The following SCNN1B variants were observed in gnomAD, a reference collection of about 807,000 sequenced individuals.
SCNN1B encodes epithelial sodium channel subunit beta.
A neutral mutation model predicts 65.3 loss-of-function variants in SCNN1B; 46 were observed. The ratio of observed to expected loss-of-function variants is 0.70; its 90% CI spans 0.56 to 0.90. The LOEUF (loss-of-function observed/expected upper bound fraction) is 0.90. SCNN1B is among the 40% of genes least tolerant of loss of function. The pLI, the probability that SCNN1B is intolerant of heterozygous loss-of-function variation, is 0.00. For synonymous variants in SCNN1B, 349 were observed against 330.6 expected (o/e 1.06, Z -0.60); for missense variants, 751 against 830.5 (o/e 0.90, Z 1.18).
chr16:23,372,998 G>T (rs1209711239), intron 7 of SCNN1B, among the ~76,000 whole-genome samples: 1 of 151,914 alleles, frequency 6.6e-6, no homozygotes, highest in Admixed American at 6.5e-5. Context: ...TCCCAGCTGT[G>T]CAGGGGGCTG....
chr16:23,343,824 A>T (rs933093950), intron 1 of SCNN1B, among the ~76,000 whole-genome samples: 1 of 152,196 alleles, frequency 6.6e-6, no homozygotes, highest in African/African-American at 2.4e-5. Flanking sequence ...ACATGGACTT[A>T]GTCTCTACTT....
At chr16:23,288,625 G>A (rs931106454) in intron 2 of SCNN1B, among the ~76,000 whole-genome samples, 3 of 152,082 alleles carry the variant, frequency 2.0e-5, no homozygotes, top group South Asian at 2.1e-4. Flanking sequence ...GCAACATGGC[G>A]AAACCCTGCC....
Position 23,373,948 on chromosome 16 carries a change from A to C in SCNN1B, c.1153-1790A>C, listed in dbSNP as rs947872618. On this transcript the variant is annotated intron_variant, in intron 7 of 12. Transcript: ENST00000343070. The stretch of plus-strand genomic sequence containing the variant: ...TCTCGTTTCTTCCGGTGTGGTAGCC[A>C]CCCAGGCCAGAAAACAGCCAAGAGC... 5.2e-4 allele frequency among the ~76,000 whole-genome samples: 79 copies of C among 152,090 alleles called. 1 individual carries two copies. The highest frequency in any genetic ancestry group is 1.8e-4 in the Non-Finnish European group (12 of 68,010).
chr16:23,309,911 G>A (rs1034824228), intron 1 of SCNN1B, among the ~76,000 whole-genome samples: 4 of 152,282 alleles, frequency 2.6e-5, no homozygotes, highest in East Asian at 1.9e-4. Context: ...CTTGGCCCCC[G>A]TGAGAGCATG....
intron 2 of SCNN1B, among the ~76,000 whole-genome samples, chr16:23,289,561 A>G (rs1369503701): frequency 1.3e-5 from 2 of 152,020 alleles, no homozygotes; most frequent in Non-Finnish European, 2.9e-5. Context: ...AAAGAAAAAA[A>G]AAAAGAAATC....
chr16:23,375,626 C>T (rs903790130), intron 7 of SCNN1B, 112 bp from the exon 8 acceptor site: 1 of 814,280 alleles, frequency 1.2e-6, no homozygotes, highest in Admixed American at 1.7e-5. Context: ...TCCACCAGCT[C>T]ACCTACCTCC....
intron 1 of SCNN1B, among the ~76,000 whole-genome samples, chr16:23,315,838 G>A (rs1054565841): frequency 4.6e-5 from 7 of 152,082 alleles, no homozygotes; most frequent in Non-Finnish European, 7.4e-5. Flanking sequence ...GCAATGTTTT[G>A]CCTGAGTCCT....
At chr16:23,339,629 G>A (rs1962013376) in intron 1 of SCNN1B, among the ~76,000 whole-genome samples, 1 of 151,384 alleles carries the variant, frequency 6.6e-6, no homozygotes, top group Admixed American at 6.6e-5. Flanking sequence ...GCAATGGCAC[G>A]ATCTCGACTC....
intron 1 of SCNN1B, among the ~76,000 whole-genome samples, chr16:23,318,256 AT>A (rs1290010321): frequency 1.3e-5 from 2 of 152,198 alleles, no homozygotes; most frequent in South Asian, 2.1e-4. Flanking sequence ...TCACTGTGTG[AT>A]TTGGGCAAAT....
chr16:23,354,338 C>T (rs558155081), intron 3 of SCNN1B, among the ~76,000 whole-genome samples: 18 of 152,216 alleles, frequency 1.2e-4, no homozygotes, highest in Non-Finnish European at 2.1e-4. Flanking sequence ...GGCAGGGAGG[C>T]CCCCAGGAGT....
At chr16:23,337,395 T>C (rs1034099068) in intron 1 of SCNN1B, among the ~76,000 whole-genome samples, 7 of 140,956 alleles carry the variant, frequency 5.0e-5, no homozygotes, top group Non-Finnish European at 1.5e-5. Context: ...TTTTTTGAGA[T>C]GGAGTTTCAC....
At chr16:23,343,670 A>AGGAG (rs1336143476) in intron 1 of SCNN1B, among the ~76,000 whole-genome samples, 2 of 151,142 alleles carry the variant, frequency 1.3e-5, no homozygotes, top group African/African-American at 4.9e-5. Flanking sequence ...GAAGGAAGGA[A>AGGAG]GAAAAAAAAA....
At chr16:23,372,123 A>T in intron 7 of SCNN1B, 1 of 577,476 alleles carries the variant, frequency 1.7e-6, no homozygotes, top group South Asian at 2.0e-5. Flanking sequence ...AGCCCAGGGG[A>T]TTATGGGGAT....
At chr16:23,314,842 G>A (rs1232585075) in intron 1 of SCNN1B, among the ~76,000 whole-genome samples, 2 of 152,226 alleles carry the variant, frequency 1.3e-5, no homozygotes, top group Non-Finnish European at 2.9e-5. Context: ...ACTGCCAGAT[G>A]GCCTTTGTAG....
At chr16:23,315,642 T>C (rs1385393284) in intron 1 of SCNN1B, among the ~76,000 whole-genome samples, 2 of 152,122 alleles carry the variant, frequency 1.3e-5, no homozygotes. Flanking sequence ...ACTCTCTCTA[T>C]AAATTCTTTT....
At chr16:23,353,893 C>CACA (rs1962363943) in intron 3 of SCNN1B, among the ~76,000 whole-genome samples, 1 of 152,222 alleles carries the variant, frequency 6.6e-6, no homozygotes, top group African/African-American at 2.4e-5. Context: ...GGAGCTCTGT[C>CACA]ACAATACACA....
chr16:23,377,107 CA>C, intron 8 of SCNN1B, 57 bp from the exon 9 acceptor site: 3 of 1,470,720 alleles, frequency 2.0e-6, no homozygotes, highest in Non-Finnish European at 2.8e-6. Context: ...CAGCAGGGAA[CA>C]GGGGCACCTA....
intron 1 of SCNN1B, among the ~76,000 whole-genome samples, chr16:23,323,891 T>C (rs761737504): frequency 5.3e-5 from 8 of 152,166 alleles, no homozygotes; most frequent in Non-Finnish European, 7.3e-5. Context: ...CAGTCCTTTC[T>C]AAGGCAATTA....
At chr16:23,322,553 C>T (rs1363322278) in intron 1 of SCNN1B, among the ~76,000 whole-genome samples, 1 of 152,046 alleles carries the variant, frequency 6.6e-6, no homozygotes, top group East Asian at 1.9e-4. Context: ...TCAAGTGATC[C>T]TCCTGCCTGG....
Sources: gnomAD v4.1 joint callset for allele counts (sites outside exome capture counted in the v4.1 genomes callset) on GRCh38, gnomAD v4.1.1 for gene constraint, MANE v1.5 for transcripts, NCBI Gene and HGNC (gene_info 2026-07-23, HGNC 2026-07-21) for gene names.